ZNF185: variants seen among roughly 807,000 people sequenced by gnomAD.
The protein encoded by ZNF185 is zinc finger protein 185 with LIM domain, also known as zinc finger protein 185.
ZNF185 carries 56 observed loss-of-function variants against 58.6 expected under a neutral mutation model. That is an observed-to-expected ratio of 0.95 (90% CI 0.77 to 1.19). ZNF185 has a LOEUF of 1.19. Among genes scored for constraint, ZNF185 ranks in the 50% most tolerant of loss-of-function variants. The pLI is 0.00. For missense variants in ZNF185, 627 were observed against 573.5 expected, an observed-to-expected ratio of 1.09 and a Z score of -0.95; for synonymous variants, 230 against 215.9, an observed-to-expected ratio of 1.07 and a Z score of -0.57.
intron 2 of ZNF185, 86 bp from the exon 4 acceptor site, chrX:152,915,052 C>G: frequency 9.2e-7 from 1 of 1,086,863 alleles, no homozygotes; most frequent in South Asian, 2.1e-5. Flanking sequence ...GCAGGACTTG[C>G]TGGGCAGCCT....
At chrX:152,913,068 G>A (rs1937603278), upstream of ZNF185, among the ~76,000 whole-genome samples, 1 of 112,500 alleles carries the variant, frequency 8.9e-6, no homozygotes, top group African/African-American at 3.2e-5. Flanking sequence ...GTTTGCTCTC[G>A]TCCCCCTGCC....
At chrX:152,946,946 G>A (rs1297717332) in intron 16 of ZNF185, among the ~76,000 whole-genome samples, 1 of 111,803 alleles carries the variant, frequency 8.9e-6, no homozygotes, top group Non-Finnish European at 1.9e-5. Context: ...CCAGACTCGA[G>A]TCCAAAGAAG....
chrX:152,941,804 C>T, intron 15 of ZNF185: 1 of 1,160,503 alleles, frequency 8.6e-7, no homozygotes, highest in Non-Finnish European at 1.2e-6. Context: ...CGAATGGGCC[C>T]GAGGAGCTGG....
chrX:152,934,290 G>GC (rs2046015101), intron 14 of ZNF185, among the ~76,000 whole-genome samples: 1 of 112,146 alleles, frequency 8.9e-6, no homozygotes, highest in Admixed American at 9.4e-5. Flanking sequence ...AGCTTGACTG[G>GC]CTCTGCTGAT....
intron 16 of ZNF185, among the ~76,000 whole-genome samples, chrX:152,949,778 TA>T (rs1348157081): frequency 9.0e-6 from 1 of 111,343 alleles, no homozygotes; most frequent in African/African-American, 3.3e-5. Flanking sequence ...ATGGAAAAAT[TA>T]AAAAAAATCC....
At chrX:152,901,408 A>G in the ZNF185 span, among the ~76,000 whole-genome samples, 8 of 108,194 alleles carry the variant, frequency 7.4e-5, no homozygotes, top group South Asian at 4.0e-4. Context: ...GAGTGCCACC[A>G]TGCCAGCACT....
chrX:152,959,113 G>T (rs1241456186), intron 16 of ZNF185, among the ~76,000 whole-genome samples: 2 of 112,734 alleles, frequency 1.8e-5, no homozygotes, highest in Non-Finnish European at 3.8e-5. Context: ...TCTCATAATG[G>T]CCCCGCCTAA....
At chrX:152,937,950 C>T (rs1307913147) in intron 14 of ZNF185, 124 bp from the exon 17 acceptor site, 8 of 612,833 alleles carry the variant, frequency 1.3e-5, no homozygotes, top group East Asian at 3.6e-5. Flanking sequence ...AGGACTGAGA[C>T]ACCAGCCTTT....
chrX:152,915,289 G>A, intron 3 of ZNF185, 86 bp downstream of exon 4: 1 of 991,426 alleles, frequency 1.0e-6, no homozygotes, highest in Non-Finnish European at 1.4e-6. Flanking sequence ...GGAGGGGTGG[G>A]CAGTCCACAG....
At chrX:152,967,137 C>T (rs782126316) in intron 19 of ZNF185, 30 bp from the exon 22 acceptor site, 2 of 1,188,447 alleles carry the variant, frequency 1.7e-6, no homozygotes, top group Non-Finnish European at 2.3e-6. Context: ...CTCATCTCTG[C>T]CCTCCTCTCC....
At chrX:152,941,923 C>G in intron 15 of ZNF185, 1 of 1,028,064 alleles carries the variant, frequency 9.7e-7, no homozygotes. Context: ...AGGGGCCGAA[C>G]GGGGCCCCTG....
chrX:152,959,622 C>A, intron 16 of ZNF185, 77 bp from the exon 19 acceptor site: 1 of 1,075,584 alleles, frequency 9.3e-7, no homozygotes, highest in Non-Finnish European at 1.2e-6. Flanking sequence ...CGAGACATGA[C>A]AGCCAGCCTA....
chrX:152,928,811 T>C, intron 12 of ZNF185, 150 bp downstream of exon 13: 1 of 544,493 alleles, frequency 1.8e-6, no homozygotes, highest in African/African-American at 2.3e-5. Context: ...CTGGGTTTTC[T>C]GCCCCATCTC....
intron 11 of ZNF185, among the ~76,000 whole-genome samples, chrX:152,927,389 G>C (rs1556873369): frequency 9.0e-6 from 1 of 111,066 alleles, no homozygotes; most frequent in Admixed American, 9.6e-5. Context: ...GAAGTGGAGG[G>C]ACAGAGATGA....
chrX:152,899,807 G>A, the ZNF185 span, among the ~76,000 whole-genome samples: 1 of 111,746 alleles, frequency 8.9e-6, no homozygotes, highest in Admixed American at 9.4e-5. Context: ...GGAGGAGCTC[G>A]GCAGCCACCA....
chrX:152,933,671 T>C (rs1385965597), intron 14 of ZNF185, among the ~76,000 whole-genome samples: 1 of 112,587 alleles, frequency 8.9e-6, no homozygotes, highest in Non-Finnish European at 1.9e-5. Flanking sequence ...CTCCAAACTA[T>C]GCTAGAGTCC....
At chrX:152,944,403 GA>G (rs1471056896) in intron 15 of ZNF185, among the ~76,000 whole-genome samples, 1 of 112,556 alleles carries the variant, frequency 8.9e-6, no homozygotes, top group Non-Finnish European at 1.9e-5. Context: ...AGCTAGGATC[GA>G]GGTGATGGCG....
rs369327937 is a variant in ZNF185, at chrX:152,916,614, G to A, written c.225-517G>A. 7.1e-5 allele frequency among the ~76,000 whole-genome samples: 8 copies of A among 112,371 alleles called. No homozygotes were observed. The East Asian group carries it at 2.3e-3, about 32-fold the overall frequency. On this transcript the variant is annotated intron_variant, in intron 3 of 22. Coordinates refer to ENST00000449285, the Ensembl canonical transcript of ZNF185. ...GAGGGCCCCGAGGGACAGGAAGGGG[G>A]ACAGCTGGCTTCGGCTGGCTGCTGC...
At chrX:152,924,753 C>T (rs782262356) in intron 11 of ZNF185, among the ~76,000 whole-genome samples, 1 of 111,302 alleles carries the variant, frequency 9.0e-6, no homozygotes, top group East Asian at 2.9e-4. Context: ...GGTGTGATCT[C>T]GGCTCACCGC....
Sources: allele counts gnomAD v4.1 joint callset (sites outside exome capture counted in the v4.1 genomes callset), GRCh38; gene constraint gnomAD v4.1.1; transcripts MANE v1.5; gene names NCBI Gene and HGNC (gene_info 2026-07-23, HGNC 2026-07-21).